BRCA1: variants seen among roughly 807,000 people sequenced by gnomAD.
The protein encoded by BRCA1 is BRCA1 DNA repair associated, also known as breast cancer type 1 susceptibility protein.
BRCA1 carries 140 observed loss-of-function variants against 173.7 expected under a neutral mutation model. The observed-to-expected ratio is 0.81, with a 90% CI of 0.70 to 0.93. The LOEUF (loss-of-function observed/expected upper bound fraction) is 0.93. Ranked by LOEUF, BRCA1 falls within the 40% of genes least tolerant of loss-of-function variation. The pLI is 0.00. For missense variants in BRCA1, 1,983 were observed against 2,172.5 expected (o/e 0.91, Z 1.73); for synonymous variants, 662 against 756.0 (o/e 0.88, Z 2.04).
intron 3 of BRCA1, among the ~76,000 whole-genome samples, chr17:43,110,088 G>A (rs950047146): frequency 5.9e-5 from 9 of 151,906 alleles, no homozygotes; most frequent in African/African-American, 2.2e-4. Flanking sequence ...TAGAGGCGGG[G>A]TTTCACCATG....
chr17:43,082,861 G>T, intron 11 of BRCA1: 1 of 437,200 alleles, frequency 2.3e-6, no homozygotes, highest in Non-Finnish European at 4.2e-6. Context: ...TTTAAAGCTA[G>T]GGAGTGAAAA....
At chr17:43,067,819 G>A in intron 15 of BRCA1, 124 bp from the exon 16 acceptor site, 1 of 586,026 alleles carries the variant, frequency 1.7e-6, no homozygotes, top group Non-Finnish European at 2.9e-6. Flanking sequence ...CACGTGTCCT[G>A]GAACTATTTA....
intron 1 of BRCA1, chr17:43,124,664 TC>T (rs1336902844): frequency 1.1e-4 from 19 of 173,692 alleles, no homozygotes; most frequent in South Asian, 2.3e-4. Context: ...TCCCACAAAA[TC>T]CTGTCTCCTC....
chr17:43,057,402 T>C (rs1019344776), intron 18 of BRCA1, among the ~76,000 whole-genome samples: 1 of 151,870 alleles, frequency 6.6e-6, no homozygotes, highest in Non-Finnish European at 1.5e-5. Flanking sequence ...TCCCAGCTAC[T>C]TGGGAGGCTG....
Position 43,091,405 on chromosome 17 carries a change from G to A in BRCA1, c.4096+30C>T, listed in dbSNP as rs369055904. 23 of 1,612,160 alleles carry A rather than the reference G, an allele frequency of 1.4e-5. No individual in the cohort carries two copies. Among genetic ancestry groups the A allele is most frequent in the Admixed American group, 5.0e-5 (3 of 59,968 alleles). ...TTTAGCTCACTTCTATAAATAGACT[G>A]GGGCAAACACAAAAACCTGGTTCCA... On this transcript the variant is annotated intron_variant, in intron 10 of 22. Coordinates refer to ENST00000357654, the MANE Select transcript of BRCA1 (RefSeq NM_007294.4).
In BRCA1 at chr17:43,082,263, C is replaced by T. The variant is rs1339623762; in HGVS notation, c.4357+141G>A. On this transcript the variant is annotated intron_variant, in intron 12 of 22. Coordinates refer to ENST00000357654, the MANE Select transcript of BRCA1 (RefSeq NM_007294.4). ...CTGGTATATTAGTTGTGAGCAGGGA[C>T]AAGAACCAAGGCTCCATAATTACCC... is the stretch of plus-strand genomic sequence containing the variant. The T allele has an allele frequency of 5.2e-6, 5 of 968,500 alleles. No individual in the cohort carries two copies. In the South Asian group the frequency reaches 8.0e-5, roughly 16 times the overall value. 60.0% of individuals were successfully genotyped at this position (968,500 alleles called of 1,614,324 possible). A position where few individuals can be genotyped will look rare whatever the true frequency, so the allele number is the denominator to read the frequency against.
rs1229817948 is a variant in BRCA1, at chr17:43,098,819, CT to C, written c.547+955del. Among the ~76,000 whole-genome samples, 342 of 138,718 alleles carry C rather than the reference CT, an allele frequency of 2.5e-3. 1 individual carries two copies. The Middle Eastern group carries it at 0.03, about 12-fold the overall frequency. The allele number at this position is 138,718 out of a possible 152,430, so 91.0% of individuals were successfully genotyped here. On this transcript the variant is annotated intron_variant, in intron 7 of 22. Coordinates refer to ENST00000357654, the MANE Select transcript of BRCA1 (RefSeq NM_007294.4). ...CATCCTGCCCAGCCAAGATTCAGCT[CT>C]TTTTTTTTTTTTTTGAGATGGAGTT...
At chr17:43,051,638 CT>C (rs1163251551) in intron 19 of BRCA1, among the ~76,000 whole-genome samples, 516 of 141,044 alleles carry the variant, frequency 3.7e-3, no homozygotes, top group Non-Finnish European at 4.2e-3. Context: ...TCTCCTCTGA[CT>C]TTTTTTTTTT....
In BRCA1 at chr17:43,143,470, G is replaced by A. The variant is rs2056094258; in HGVS notation, c.-19-19355C>T. On this transcript the variant is annotated intron_variant, in intron 1 of 7. Coordinates refer to the BRCA1 transcript ENST00000634433. ...GCTGCTTCCCAGTCACACTGCTCCTGGGATGGGGGTGCTGCTGTTCTGCAG... is the reference window on the plus strand; with the variant it reads ...GCTGCTTCCCAGTCACACTGCTCCTAGGATGGGGGTGCTGCTGTTCTGCAG... Among the ~76,000 whole-genome samples, 3 of 152,060 alleles carry A rather than the reference G, an allele frequency of 2.0e-5. No homozygotes were observed. The South Asian group carries it at 6.2e-4, about 32-fold the overall frequency.
At chr17:43,125,988 G>GTT (rs1555601578), upstream of BRCA1, among the ~76,000 whole-genome samples, 1 of 151,830 alleles carries the variant, frequency 6.6e-6, no homozygotes, top group East Asian at 1.9e-4. Flanking sequence ...ATGGACTGGA[G>GTT]TGTTATGTTT....
chr17:43,095,731 A>C, intron 9 of BRCA1, 115 bp downstream of exon 9: 1 of 867,182 alleles, frequency 1.2e-6, no homozygotes, highest in South Asian at 1.4e-5. Flanking sequence ...TAACTCTGCC[A>C]AGAGATTTTG....
chr17:43,115,625 A>T, intron 3 of BRCA1, 101 bp downstream of exon 3: 1 of 1,174,394 alleles, frequency 8.5e-7, no homozygotes, highest in Non-Finnish European at 1.2e-6. Context: ...GTTCTCACTT[A>T]ATTGAAGAAA....
rs779960384 is a variant in BRCA1 at position 43,066,004 on chromosome 17, T to C, written c.5074+1604A>G. On this transcript the variant is annotated intron_variant, in intron 16 of 22. Transcript: ENST00000357654. ...ACACTCTCCAATTTGTCAGTGACCATGTTAAAAACCAAGCACGGTGCTTAA... is the reference window on the plus strand; with the variant it reads ...ACACTCTCCAATTTGTCAGTGACCACGTTAAAAACCAAGCACGGTGCTTAA... 1.2e-4 allele frequency among the ~76,000 whole-genome samples: 18 copies of C among 152,370 alleles called. No individual in the cohort carries two copies. In the Middle Eastern group the frequency reaches 0.014, roughly 115 times the overall value.
intron 6 of BRCA1, among the ~76,000 whole-genome samples, chr17:43,101,188 A>G (rs2054458496): frequency 6.6e-6 from 1 of 150,938 alleles, no homozygotes; most frequent in Non-Finnish European, 1.5e-5. Flanking sequence ...TACTGTGAGA[A>G]CTACTTTTAT....
intron 7 of BRCA1, among the ~76,000 whole-genome samples, chr17:43,098,174 A>G (rs536942181): frequency 9.2e-5 from 14 of 151,554 alleles, no homozygotes; most frequent in African/African-American, 3.1e-4. Flanking sequence ...ACAGATGCAC[A>G]CCACCACACC....
rs431825387 is a variant in BRCA1 at position 43,093,950 on chromosome 17, CTT to C, written c.1579_1580del (p.Lys527AspfsTer3). Reference sequence around the variant, plus strand: ...TTCCCTGATTTATCATTTCAGGAGTCTTTTGAACTGCCAAATCTGCTTTCTTG... The same window carrying C: ...TTCCCTGATTTATCATTTCAGGAGTCTTGAACTGCCAAATCTGCTTTCTTG... ...FIKKADLAVQKTPEMINQGTN... is the reference protein window; with the variant it reads ...FIKKADLAVQXTPEMINQGTN... On this transcript the variant is annotated frameshift_variant, in exon 10 of 23. Transcript: ENST00000357654. LOFTEE classifies it high-confidence loss of function. 2 of 1,613,834 alleles carry C rather than the reference CTT, an allele frequency of 1.2e-6. No homozygotes were observed. The highest frequency in any genetic ancestry group is 1.7e-6 in the Non-Finnish European group (2 of 1,179,930).
At chr17:43,062,369 A>G (rs1379738628) in intron 18 of BRCA1, among the ~76,000 whole-genome samples, 2 of 152,190 alleles carry the variant, frequency 1.3e-5, no homozygotes, top group East Asian at 1.9e-4. Flanking sequence ...GGCTGAGATT[A>G]TAAGTGTGAG....
intron 1 of BRCA1, chr17:43,139,835 T>G: frequency 2.1e-6 from 1 of 465,704 alleles, no homozygotes; most frequent in South Asian, 1.5e-5. Flanking sequence ...GATAATGGCC[T>G]CAAGATCCAT....
chr17:43,059,592 GC>G (rs1175037049), intron 18 of BRCA1, among the ~76,000 whole-genome samples: 1 of 151,894 alleles, frequency 6.6e-6, no homozygotes, highest in Non-Finnish European at 1.5e-5. Context: ...TCCCTACCAT[GC>G]CTTCTTCATC....
Sources: gnomAD v4.1 joint callset for allele counts (sites outside exome capture counted in the v4.1 genomes callset) on GRCh38, gnomAD v4.1.1 for gene constraint, MANE v1.5 for transcripts, NCBI Gene and HGNC (gene_info 2026-07-23, HGNC 2026-07-21) for gene names.